Variants in CEMIP observed in about 807,000 individuals in gnomAD.
CEMIP encodes the protein cell migration-inducing and hyaluronan-binding protein.
A neutral mutation model predicts 156.9 loss-of-function variants in CEMIP; 105 were observed. The ratio of observed to expected loss-of-function variants is 0.67; its 90% CI spans 0.57 to 0.79. CEMIP has a LOEUF of 0.79. Ranked by LOEUF, CEMIP falls within the 30% of genes least tolerant of loss-of-function variation. The probability of loss-of-function intolerance (pLI) is 0.00; values close to 1 mark genes in which losing one functional copy is unlikely to be tolerated. For missense variants in CEMIP, 1,457 were observed against 1,769.4 expected (o/e 0.82, Z 3.17); for synonymous variants, 676 against 668.4 (o/e 1.01, Z -0.17).
chr15:80,883,664 G>A (rs890229201), intron 6 of CEMIP, among the ~76,000 whole-genome samples: 10 of 152,326 alleles, frequency 6.6e-5, no homozygotes, highest in Non-Finnish European at 8.8e-5. Flanking sequence ...AAGTAACTCT[G>A]TGCAAGCTGC....
At chr15:80,813,791 A>G (rs1199330784) in intron 1 of CEMIP, among the ~76,000 whole-genome samples, 1 of 152,236 alleles carries the variant, frequency 6.6e-6, no homozygotes, top group Non-Finnish European at 1.5e-5. Flanking sequence ...ATGCTTTTCA[A>G]AATGATTTTG....
rs755464972 is a variant in CEMIP at position 80,929,109 on chromosome 15, G to C, written c.2547G>C (p.Met849Ile). ...VGESGNVGTE[M>I]MDNRIWGPGG... ...AGAGTGGCAACGTGGGGACGGAAAT[G>C]ATGGACAATAGGATCTGGGGCCCTG... Residue 849 changes from methionine (M) to isoleucine (I), a missense_variant, in exon 21 of 30, where the codon ATG becomes ATC. Met to Ile is a conservative substitution (Grantham distance 10, BLOSUM62 1). Transcript: ENST00000394685. 1.9e-6 allele frequency: 3 copies of C among 1,614,108 alleles called. No individual in the cohort carries two copies. Among genetic ancestry groups the C allele is most frequent in the Non-Finnish European group, 2.5e-6 (3 of 1,180,052 alleles).
chr15:80,889,470 G>A lies in CEMIP; in HGVS notation c.965-1G>A. On this transcript the variant is annotated splice_acceptor_variant, in intron 9 of 29. Coordinates refer to ENST00000394685, the MANE Select transcript of CEMIP (RefSeq NM_001293298.2). LOFTEE classifies it high-confidence loss of function. ...GACTGTGCTGTTTGCTTTCTGCCTA[G>A]ACGTGGAGTGGACGGAGTGGTTCGA... 6.2e-7 allele frequency: 1 copy of A among 1,614,030 alleles called. No homozygotes were observed. The highest frequency in any genetic ancestry group is 8.5e-7 in the Non-Finnish European group (1 of 1,179,950).
At position 80,944,361 on chromosome 15, in the gene CEMIP, A is replaced by G. The variant is rs114530079; in HGVS notation, c.3857+1259A>G. On this transcript the variant is annotated intron_variant, in intron 28 of 29. Coordinates refer to ENST00000394685, the MANE Select transcript of CEMIP (RefSeq NM_001293298.2). Reference sequence around the variant, plus strand: ...GGTGGACACATCTGTTGCCCCATCAAGAGTGTGGCCTTCTCAATGTTGGGG... The same window carrying G: ...GGTGGACACATCTGTTGCCCCATCAGGAGTGTGGCCTTCTCAATGTTGGGG... 3.0e-3 allele frequency among the ~76,000 whole-genome samples: 454 copies of G among 152,324 alleles called. 2 individuals are homozygous for G. Among genetic ancestry groups the G allele is most frequent in the African/African-American group, 0.01 (429 of 41,566 alleles).
intron 1 of CEMIP, among the ~76,000 whole-genome samples, chr15:80,867,569 C>A (rs890716526): frequency 1.3e-5 from 2 of 152,190 alleles, no homozygotes; most frequent in African/African-American, 4.8e-5. Flanking sequence ...GCTGGGGTGC[C>A]CTGTCCCTGG....
At chr15:80,806,634 T>TC (rs1280244419) in intron 1 of CEMIP, among the ~76,000 whole-genome samples, 1 of 152,140 alleles carries the variant, frequency 6.6e-6, no homozygotes, top group African/African-American at 2.4e-5. Context: ...GTATAATTGC[T>TC]CCCCTGGACA....
chr15:80,888,711 C>T lies in CEMIP; in HGVS notation c.879C>T (p.Gly293=), dbSNP rs1316298715. ...EDHIEYHGHR[G]SAAARVFKLF... is the part of the protein sequence containing the mutation. ...TCGTTTCTCTGACAGGACATCGAGG[C>T]TCTGCTGCTGCCCGGGTATTCAAAT... Residue 293 remains glycine, a synonymous_variant, in exon 9 of 30, where the codon GGC becomes GGT. Transcript: ENST00000394685. The T allele has an allele frequency of 6.2e-7, 1 of 1,613,950 alleles. No homozygotes were observed. The highest frequency in any genetic ancestry group is 8.5e-7 in the Non-Finnish European group (1 of 1,179,952).
chr15:80,856,000 A>G (rs1425414940), intron 1 of CEMIP, among the ~76,000 whole-genome samples: 1 of 152,226 alleles, frequency 6.6e-6, no homozygotes, highest in Non-Finnish European at 1.5e-5. Context: ...TGAGTGAAAG[A>G]AACCTTGTAC....
intron 1 of CEMIP, among the ~76,000 whole-genome samples, chr15:80,867,327 C>T (rs1287209889): frequency 6.6e-6 from 1 of 152,208 alleles, no homozygotes; most frequent in African/African-American, 2.4e-5. Flanking sequence ...TGAAGCTAAA[C>T]TGCAAGTTGT....
intron 12 of CEMIP, among the ~76,000 whole-genome samples, chr15:80,904,526 C>A (rs947032730): frequency 2.6e-5 from 4 of 152,124 alleles, no homozygotes; most frequent in African/African-American, 9.7e-5. Flanking sequence ...AATTAAGGTT[C>A]TGGAGATGGG....
At chr15:80,807,362 C>T (rs902187709) in intron 1 of CEMIP, among the ~76,000 whole-genome samples, 5 of 151,948 alleles carry the variant, frequency 3.3e-5, no homozygotes, top group African/African-American at 1.2e-4. Flanking sequence ...TCCTAAGTAG[C>T]TGGGACTACA....
intron 14 of CEMIP, among the ~76,000 whole-genome samples, chr15:80,916,525 C>T (rs1012650723): frequency 2.0e-5 from 3 of 152,196 alleles, no homozygotes; most frequent in African/African-American, 4.8e-5. Flanking sequence ...GACTGAATGG[C>T]CACCCGTGAA....
At chr15:80,807,751 A>G (rs7177853) in intron 1 of CEMIP, among the ~76,000 whole-genome samples, 13,571 of 152,320 alleles carry the variant, frequency 0.089, 857 homozygotes, top group African/African-American at 0.16. Context: ...CCTTCATTTA[A>G]AACCTTTTCT....
At position 80,850,022 on chromosome 15, in the gene CEMIP, C is replaced by G. The variant is rs182269241; in HGVS notation, c.-175-23516C>G. On this transcript the variant is annotated intron_variant, in intron 1 of 29. Coordinates refer to ENST00000394685, the MANE Select transcript of CEMIP (RefSeq NM_001293298.2). ...GAGGGCGGCACCGCAAGCTTTAGAA[C>G]AAGACTGGAGCATAGTGAATATGTG... 2.4e-4 allele frequency among the ~76,000 whole-genome samples: 36 copies of G among 151,558 alleles called. 1 individual carries two copies. Among genetic ancestry groups the G allele is most frequent in the African/African-American group, 8.1e-4 (33 of 40,876 alleles).
rs1018156881 is a variant in CEMIP, at chr15:80,862,096, G to A, written c.-175-11442G>A. Among the ~76,000 whole-genome samples, 4 of 152,352 alleles carry A rather than the reference G, an allele frequency of 2.6e-5. No homozygotes were observed. In the East Asian group the frequency reaches 5.8e-4, roughly 22 times the overall value. ...TCCCTGCCTGAACGAGAGCCAGCTGGCAGAGCCTTTTGTGGATGATGCCTG... is the reference window on the plus strand; with the variant it reads ...TCCCTGCCTGAACGAGAGCCAGCTGACAGAGCCTTTTGTGGATGATGCCTG... On this transcript the variant is annotated intron_variant, in intron 1 of 29. Coordinates refer to ENST00000394685, the MANE Select transcript of CEMIP (RefSeq NM_001293298.2).
chr15:80,881,967 T>C (rs1898675914), intron 6 of CEMIP, among the ~76,000 whole-genome samples: 3 of 152,162 alleles, frequency 2.0e-5, no homozygotes, highest in African/African-American at 7.2e-5. Context: ...AGGCTGGACC[T>C]GCCCTGCAGT....
chr15:80,858,959 T>C (rs1005600965), intron 1 of CEMIP, among the ~76,000 whole-genome samples: 1 of 152,232 alleles, frequency 6.6e-6, no homozygotes, highest in African/African-American at 2.4e-5. Context: ...CACATTCCCC[T>C]GTGCAAGCTT....
In CEMIP at chr15:80,950,515, C is replaced by G. The variant is rs1444175324; in HGVS notation, c.*1591C>G. 1 of 152,334 alleles carries G rather than the reference C, an allele frequency of 6.6e-6. No individual in the cohort carries two copies. The allele number at this position is 152,334 out of a possible 1,614,324, so 9.4% of individuals were successfully genotyped here. A position where few individuals can be genotyped will look rare whatever the true frequency, so the allele number is the denominator to read the frequency against. The stretch of plus-strand genomic sequence containing the variant: ...CGGTCCCTGTGGCCTTCACTTTGTT[C>G]ACTACCTGTCAGCCCAGCCTGGGTG... On this transcript the variant is annotated 3_prime_UTR_variant, in exon 30 of 30. Coordinates refer to ENST00000394685, the MANE Select transcript of CEMIP (RefSeq NM_001293298.2).
chr15:80,948,787 T>C lies in CEMIP; in HGVS notation c.3959-10T>C. The C allele has an allele frequency of 6.2e-7, 1 of 1,614,104 alleles. No homozygotes were observed. The highest frequency in any genetic ancestry group is 8.5e-7 in the Non-Finnish European group (1 of 1,180,034). On this transcript the variant is annotated splice_polypyrimidine_tract_variant and intron_variant, in intron 29 of 29. Transcript: ENST00000394685. The stretch of plus-strand genomic sequence containing the variant: ...GGCTTTTGCTCAGGAGACTCATCAT[T>C]GCTTTTCAGAGCAAATGGCATTCGT...
Sources: allele counts gnomAD v4.1 joint callset (sites outside exome capture counted in the v4.1 genomes callset), GRCh38; gene constraint gnomAD v4.1.1; transcripts MANE v1.5; gene names NCBI Gene and HGNC (gene_info 2026-07-23, HGNC 2026-07-21).